The following GAS2 variants were observed in gnomAD, a reference collection of about 807,000 sequenced individuals.
The protein encoded by GAS2 is growth arrest-specific protein 2.
In GAS2, 20 loss-of-function variants were observed where a neutral mutation model predicts 37.5. The ratio of observed to expected loss-of-function variants is 0.53; its 90% CI spans 0.37 to 0.77. The LOEUF is 0.77. Among genes scored for constraint, GAS2 ranks in the 30% least tolerant of loss-of-function variants. The pLI is 0.00. For missense variants in GAS2, 336 were observed against 373.4 expected, an observed-to-expected ratio of 0.90 and a Z score of 0.82; for synonymous variants, 144 against 132.2, an observed-to-expected ratio of 1.09 and a Z score of -0.61.
intron 5 of GAS2, among the ~76,000 whole-genome samples, chr11:22,745,697 T>C (rs1052884213): frequency 1.3e-5 from 2 of 152,130 alleles, no homozygotes; most frequent in African/African-American, 4.8e-5. Flanking sequence ...ACTACACACC[T>C]GACAAAGGTC....
At chr11:22,700,110 G>T (rs7952704) in intron 3 of GAS2, among the ~76,000 whole-genome samples, 94,809 of 151,954 alleles carry the variant, frequency 0.62, 33,771 homozygotes, top group Non-Finnish European at 0.8. Context: ...CCATACTGTT[G>T]TACTTAGTTG....
At chr11:22,746,642 C>CT (rs993011170) in intron 5 of GAS2, among the ~76,000 whole-genome samples, 4 of 152,020 alleles carry the variant, frequency 2.6e-5, no homozygotes, top group Admixed American at 6.6e-5. Context: ...TACATGAGAG[C>CT]TAAACACTGG....
chr11:22,789,333 A>AAC (rs1157753522), intron 7 of GAS2, among the ~76,000 whole-genome samples: 6 of 87,684 alleles, frequency 6.8e-5, no homozygotes, highest in Non-Finnish European at 1.3e-4. Flanking sequence ...CACACACACA[A>AAC]ACACACACAC....
At chr11:22,783,679 G>T (rs1855679383) in intron 7 of GAS2, among the ~76,000 whole-genome samples, 1 of 152,134 alleles carries the variant, frequency 6.6e-6, no homozygotes, top group Non-Finnish European at 1.5e-5. Context: ...ACCCCTTTGG[G>T]AGGAGGGGAA....
intron 6 of GAS2, among the ~76,000 whole-genome samples, chr11:22,749,500 A>T (rs1853612190): frequency 6.6e-6 from 1 of 152,060 alleles, no homozygotes; most frequent in African/African-American, 2.4e-5. Context: ...CTTTAGAATA[A>T]TAAGTCAACT....
At chr11:22,799,805 T>C (rs1264392377) in intron 7 of GAS2, among the ~76,000 whole-genome samples, 1 of 152,124 alleles carries the variant, frequency 6.6e-6, no homozygotes, top group East Asian at 1.9e-4. Context: ...TTAACATGCA[T>C]TTATTCATTT....
At chr11:22,706,797 G>A (rs1377829369) in intron 3 of GAS2, among the ~76,000 whole-genome samples, 6 of 151,922 alleles carry the variant, frequency 3.9e-5, no homozygotes, top group Admixed American at 1.3e-4. Context: ...ATAAACATAT[G>A]TGTGCATGTG....
chr11:22,658,903 A>G (rs1420712557), intron 1 of GAS2, among the ~76,000 whole-genome samples: 1 of 152,208 alleles, frequency 6.6e-6, no homozygotes, highest in South Asian at 2.1e-4. Flanking sequence ...CGAAAGCCCA[A>G]TTGTGGGGAT....
intron 7 of GAS2, among the ~76,000 whole-genome samples, chr11:22,761,455 A>C (rs1419305310): frequency 3.3e-5 from 5 of 152,186 alleles, no homozygotes; most frequent in Non-Finnish European, 7.4e-5. Context: ...TGTGAGGTAG[A>C]TAACATTTTG....
intron 4 of GAS2, chr11:22,731,277 T>A (rs1250019800): frequency 5.6e-5 from 23 of 412,388 alleles, no homozygotes; most frequent in Non-Finnish European, 3.9e-5. Flanking sequence ...AAATACACAC[T>A]TTTTTTGCTT....
At chr11:22,767,664 A>G (rs1158268512) in intron 7 of GAS2, among the ~76,000 whole-genome samples, 3 of 152,180 alleles carry the variant, frequency 2.0e-5, no homozygotes, top group Non-Finnish European at 4.4e-5. Flanking sequence ...AATAACTGTC[A>G]TATAAATTGT....
chr11:22,715,973 C>G (rs1851658784), intron 3 of GAS2, among the ~76,000 whole-genome samples: 1 of 152,128 alleles, frequency 6.6e-6, no homozygotes, highest in South Asian at 2.1e-4. Flanking sequence ...CTGAATTTGA[C>G]AGCATATCCA....
At position 22,753,398 on chromosome 11, in the gene GAS2, C is replaced by T. The variant is rs560213058; in HGVS notation, c.616-2448C>T. Reference sequence around the variant, plus strand: ...AGAAAGGCATTTGAGAAGGGCAGGCCACTTGAGAAAATGTTTCTTGTATTT... The same window carrying T: ...AGAAAGGCATTTGAGAAGGGCAGGCTACTTGAGAAAATGTTTCTTGTATTT... On this transcript the variant is annotated intron_variant, in intron 6 of 7. Coordinates refer to ENST00000454584, the MANE Select transcript of GAS2 (RefSeq NM_001143830.3). Among the ~76,000 whole-genome samples the T allele has an allele frequency of 5.3e-5, 8 of 152,194 alleles. No homozygotes were observed. In the East Asian group the frequency reaches 1.5e-3, roughly 29 times the overall value.
chr11:22,712,787 A>C (rs114607280), intron 3 of GAS2, among the ~76,000 whole-genome samples: 4,094 of 152,216 alleles, frequency 0.027, 180 homozygotes, highest in African/African-American at 0.094. Context: ...TAACTTAAAT[A>C]AATTAAAGGC....
Position 22,685,653 on chromosome 11 carries a change from T to C in GAS2, c.146-15T>C, listed in dbSNP as rs768765475. ...TTTGATTTTCCTTTTATAATGCTTCTTTTTGTTATTTCAGGGAAGGAGATT... is the reference window on the plus strand; with the variant it reads ...TTTGATTTTCCTTTTATAATGCTTCCTTTTGTTATTTCAGGGAAGGAGATT... On this transcript the variant is annotated splice_polypyrimidine_tract_variant and intron_variant, in intron 2 of 7. Coordinates refer to ENST00000454584, the MANE Select transcript of GAS2 (RefSeq NM_001143830.3). 1 of 1,607,896 alleles carries C rather than the reference T, an allele frequency of 6.2e-7. No individual in the cohort carries two copies. Among genetic ancestry groups the C allele is most frequent in the South Asian group, 1.1e-5 (1 of 89,320 alleles).
At chr11:22,733,164 T>C (rs915356311) in intron 4 of GAS2, among the ~76,000 whole-genome samples, 2 of 151,212 alleles carry the variant, frequency 1.3e-5, no homozygotes, top group East Asian at 3.9e-4. Context: ...CATAAAGGAG[T>C]GCAAGTAGAA....
intron 6 of GAS2, among the ~76,000 whole-genome samples, chr11:22,752,689 GA>G (rs969330545): frequency 5.4e-4 from 79 of 147,496 alleles, no homozygotes; most frequent in Middle Eastern, 3.4e-3. Flanking sequence ...TAAAAGAAGG[GA>G]AAAAAAAACA....
intron 1 of GAS2, among the ~76,000 whole-genome samples, chr11:22,645,299 G>A (rs1848676097): frequency 6.6e-6 from 1 of 152,078 alleles, no homozygotes; most frequent in African/African-American, 2.4e-5. Flanking sequence ...CACGAGGTAA[G>A]GAGATTAAGA....
intron 3 of GAS2, among the ~76,000 whole-genome samples, chr11:22,690,985 A>G (rs1324737638): frequency 6.6e-6 from 1 of 152,000 alleles, no homozygotes; most frequent in African/African-American, 2.4e-5. Context: ...TTTTTCTACT[A>G]ACTTTCCTTT....
Sources: allele counts gnomAD v4.1 joint callset (sites outside exome capture counted in the v4.1 genomes callset), GRCh38; gene constraint gnomAD v4.1.1; transcripts MANE v1.5; gene names NCBI Gene and HGNC (gene_info 2026-07-23, HGNC 2026-07-21).